SLIT3: variants seen among roughly 807,000 people sequenced by gnomAD.
The protein encoded by SLIT3 is slit homolog 3 protein.
In SLIT3, 68 loss-of-function variants were observed where a neutral mutation model predicts 184.0. The observed-to-expected ratio is 0.37, with a 90% CI of 0.30 to 0.45. The LOEUF is 0.45. SLIT3 is among the 20% of genes least tolerant of loss of function. The probability of loss-of-function intolerance (pLI) is 1.00; values close to 1 mark genes in which losing one functional copy is unlikely to be tolerated. For synonymous variants in SLIT3, 831 were observed against 828.6 expected (o/e 1.00, Z -0.05); for missense variants, 1,707 against 2,026.0 (o/e 0.84, Z 3.02).
chr5:168,899,096 CT>C, intron 4 of SLIT3, among the ~76,000 whole-genome samples: 1 of 152,354 alleles, frequency 6.6e-6, no homozygotes, highest in African/African-American at 2.4e-5. Context: ...TTTTCTTCTC[CT>C]ACCCTTTTGC....
intron 4 of SLIT3, among the ~76,000 whole-genome samples, chr5:169,157,317 C>T (rs10063923): frequency 0.2 from 30,691 of 152,150 alleles, 4,037 homozygotes; most frequent in Middle Eastern, 0.34. Flanking sequence ...CACCAGCACC[C>T]AGCAGTAAAG....
rs567147740 is a variant in SLIT3, at chr5:169,007,333, C to T, written c.414-123997G>A. Among the ~76,000 whole-genome samples, 293 of 152,326 alleles carry T rather than the reference C, an allele frequency of 1.9e-3. 2 individuals carry two copies. Among genetic ancestry groups the T allele is most frequent in the Non-Finnish European group, 2.9e-3 (198 of 68,034 alleles). On this transcript the variant is annotated intron_variant, in intron 4 of 35. Transcript: ENST00000519560. ...ATACAACCTGTATACTGCCAAGTCTCAGTATCTTGGATGTTTTCCTAGTCT... is the reference window on the plus strand; with the variant it reads ...ATACAACCTGTATACTGCCAAGTCTTAGTATCTTGGATGTTTTCCTAGTCT...
chr5:168,949,488 A>C (rs1214821289), intron 4 of SLIT3, among the ~76,000 whole-genome samples: 1 of 152,220 alleles, frequency 6.6e-6, no homozygotes, highest in Non-Finnish European at 1.5e-5. Context: ...CCTTACAGAG[A>C]TCTTTCAAAA....
intron 23 of SLIT3, among the ~76,000 whole-genome samples, chr5:168,719,375 T>C (rs957143597): frequency 3.9e-5 from 6 of 152,236 alleles, no homozygotes; most frequent in African/African-American, 1.4e-4. Flanking sequence ...AACTTTGCCT[T>C]CATTTGTTAT....
At chr5:169,198,507 A>C (rs1302506009) in intron 3 of SLIT3, among the ~76,000 whole-genome samples, 1 of 152,222 alleles carries the variant, frequency 6.6e-6, no homozygotes, top group African/African-American at 2.4e-5. Flanking sequence ...GAAGGTGTAC[A>C]ACTAGGCAGC....
At chr5:168,672,168 G>A (rs896818561) in intron 33 of SLIT3, among the ~76,000 whole-genome samples, 3 of 152,156 alleles carry the variant, frequency 2.0e-5, no homozygotes, top group Admixed American at 1.3e-4. Context: ...ACCCAGTTCC[G>A]TTCTGGGTGC....
At chr5:169,082,980 TAA>T (rs1718795280) in intron 4 of SLIT3, among the ~76,000 whole-genome samples, 1 of 152,106 alleles carries the variant, frequency 6.6e-6, no homozygotes, top group South Asian at 2.1e-4. Flanking sequence ...CCAAAGCAAA[TAA>T]AGTGATCACA....
chr5:169,115,802 G>A (rs745867676), intron 4 of SLIT3, among the ~76,000 whole-genome samples: 71 of 152,288 alleles, frequency 4.7e-4, no homozygotes, highest in African/African-American at 2.6e-4. Flanking sequence ...GAAGGAGCTC[G>A]CCTGTGGTTG....
At chr5:169,279,527 G>T (rs1025376904) in intron 1 of SLIT3, among the ~76,000 whole-genome samples, 1 of 152,102 alleles carries the variant, frequency 6.6e-6, no homozygotes, top group Admixed American at 6.6e-5. Flanking sequence ...ATATTAGGAT[G>T]AACTCTCTGA....
chr5:169,201,269 G>A (rs1312670163), intron 3 of SLIT3, among the ~76,000 whole-genome samples: 1 of 152,166 alleles, frequency 6.6e-6, no homozygotes, highest in Non-Finnish European at 1.5e-5. Flanking sequence ...ATAGGAGAAA[G>A]AAGTTTGTGG....
intron 3 of SLIT3, among the ~76,000 whole-genome samples, chr5:169,209,214 C>T (rs1764171469): frequency 2.0e-5 from 3 of 152,212 alleles, no homozygotes; most frequent in South Asian, 4.1e-4. Flanking sequence ...CTCATCATCA[C>T]TGGTCATTAG....
rs1484464539 is a variant in SLIT3, at chr5:168,884,256, C to T, written c.414-920G>A. Among the ~76,000 whole-genome samples the T allele has an allele frequency of 2.6e-5, 4 of 151,786 alleles. No homozygotes were observed. The East Asian group carries it at 7.8e-4, about 30-fold the overall frequency. ...GGCCTCCAGAGCGTGCAAACTGGCC[C>T]TGCAAAACACTCATGCCAGGCCTCC... On this transcript the variant is annotated intron_variant, in intron 4 of 35. Coordinates refer to ENST00000519560, the MANE Select transcript of SLIT3 (RefSeq NM_003062.4).
Position 169,193,505 on chromosome 5 carries a change from G to C in SLIT3, c.387C>G (p.Phe129Leu). ...NKLQVLPELLFQSTPKLTRLD... is the reference protein window; with the variant it reads ...NKLQVLPELLLQSTPKLTRLD... ...GTCTGGTGAGCTTCGGCGTGCTCTGGAAAAGCAATTCTGGAAGGACTTGCA... is the reference window on the plus strand; with the variant it reads ...GTCTGGTGAGCTTCGGCGTGCTCTGCAAAAGCAATTCTGGAAGGACTTGCA... Residue 129 changes from phenylalanine to leucine, a missense_variant, in exon 4 of 36, where the codon TTC becomes TTG. Physicochemically the swap from Phe to Leu is conservative, Grantham distance 22 (BLOSUM62 0). This residue lies in a region of SLIT3 where 1,307 missense variants were observed against 1,511.6 expected (regional missense o/e 0.86). Transcript: ENST00000519560. 1 of 1,614,122 alleles carries C rather than the reference G, an allele frequency of 6.2e-7. No homozygotes were observed. The highest frequency in any genetic ancestry group is 8.5e-7 in the Non-Finnish European group (1 of 1,179,968).
intron 33 of SLIT3, among the ~76,000 whole-genome samples, chr5:168,672,577 G>GCAAT (rs1166090888): frequency 1.3e-5 from 2 of 152,120 alleles, no homozygotes; most frequent in African/African-American, 4.8e-5. Flanking sequence ...CCAGGCTCAA[G>GCAAT]CAATCCCCCT....
At chr5:168,748,646 G>C (rs886489666) in intron 19 of SLIT3, among the ~76,000 whole-genome samples, 2 of 152,182 alleles carry the variant, frequency 1.3e-5, no homozygotes, top group South Asian at 4.1e-4. Context: ...AGACCATCAA[G>C]GAGGCTCAGC....
chr5:169,292,523 C>T (rs1767390947), intron 1 of SLIT3, among the ~76,000 whole-genome samples: 1 of 152,072 alleles, frequency 6.6e-6, no homozygotes, highest in Non-Finnish European at 1.5e-5. Flanking sequence ...TTTTTTCCAT[C>T]CCAGCCGGAA....
intron 5 of SLIT3, among the ~76,000 whole-genome samples, chr5:168,869,670 A>T (rs551713426): frequency 3.3e-5 from 5 of 152,174 alleles, no homozygotes; most frequent in African/African-American, 1.2e-4. Flanking sequence ...TGTTGTCTCT[A>T]TTAGCAGAAA....
intron 6 of SLIT3, among the ~76,000 whole-genome samples, chr5:168,834,948 C>T (rs1322972578): frequency 2.0e-5 from 3 of 152,072 alleles, no homozygotes; most frequent in Non-Finnish European, 4.4e-5. Context: ...ATAAGGTAGC[C>T]ATGAGCTACA....
chr5:169,066,692 C>T (rs747227897), intron 4 of SLIT3, among the ~76,000 whole-genome samples: 1 of 151,946 alleles, frequency 6.6e-6, no homozygotes, highest in African/African-American at 2.4e-5. Flanking sequence ...AAGTTTTCGC[C>T]CAAGGAAATC....
Sources: gnomAD v4.1 joint callset for allele counts (sites outside exome capture counted in the v4.1 genomes callset) on GRCh38, gnomAD v4.1.1 for gene constraint, gnomAD v4.1.1 regional missense constraint, MANE v1.5 for transcripts, NCBI Gene and HGNC (gene_info 2026-07-23, HGNC 2026-07-21) for gene names.